Variants in TRAPPC10 observed in about 807,000 individuals in gnomAD.
The protein encoded by TRAPPC10 is TRAPP 130 kDa subunit.
TRAPPC10 carries 23 observed loss-of-function variants against 125.5 expected under a neutral mutation model. That is an observed-to-expected ratio of 0.18 (90% CI 0.13 to 0.26). The LOEUF (loss-of-function observed/expected upper bound fraction) is 0.26, where lower values mean the gene tolerates loss of function less well. TRAPPC10 is among the 10% of genes least tolerant of loss of function. TRAPPC10 has a pLI of 1.00. For missense variants in TRAPPC10, 1,123 were observed against 1,308.4 expected (o/e 0.86, Z 2.19); for synonymous variants, 509 against 518.0 (o/e 0.98, Z 0.24).
chr21:44,034,324 C>G (rs1463282268), intron 2 of TRAPPC10, among the ~76,000 whole-genome samples: 1 of 128,174 alleles, frequency 7.8e-6, no homozygotes, highest in Non-Finnish European at 1.5e-5. Context: ...TCATTGCCCA[C>G]TCCCCCAACC....
At chr21:44,034,341 C>CG (rs2033825440) in intron 2 of TRAPPC10, among the ~76,000 whole-genome samples, 2 of 144,786 alleles carry the variant, frequency 1.4e-5, no homozygotes, top group African/African-American at 5.1e-5. Flanking sequence ...AACCCCCCCC[C>CG]CCACCCCCGC....
At chr21:44,084,288 G>C in intron 15 of TRAPPC10, 25 bp downstream of exon 15, 2 of 1,609,188 alleles carry the variant, frequency 1.2e-6, no homozygotes, top group Non-Finnish European at 1.7e-6. Context: ...CAGCCTTTGA[G>C]GAGGCGTGCT....
Position 44,087,048 on chromosome 21 carries a change from T to C in TRAPPC10, c.2539+88T>C. On this transcript the variant is annotated intron_variant, in intron 16 of 22. Coordinates refer to ENST00000291574, the MANE Select transcript of TRAPPC10 (RefSeq NM_003274.5). The surrounding 1 kb of genome is among the most constrained non-coding windows in gnomAD (Gnocchi z 4.6). ...GAGGGTGAGCCTGGCCTTGCTGCCA[T>C]CCTGCTGAGCGCCCCTCAACAGTGT... 6.7e-7 allele frequency: 1 copy of C among 1,491,818 alleles called. No homozygotes were observed. The highest frequency in any genetic ancestry group is 1.2e-5 in the South Asian group (1 of 81,574). The allele number at this position is 1,491,818 out of a possible 1,614,324, so 92.4% of individuals were successfully genotyped here.
At chr21:44,073,211 T>C (rs1246437898) in intron 7 of TRAPPC10, among the ~76,000 whole-genome samples, 2 of 152,238 alleles carry the variant, frequency 1.3e-5, no homozygotes, top group Non-Finnish European at 2.9e-5. Flanking sequence ...TGGCACTCTT[T>C]GGTTCTTCCT....
At chr21:44,073,884 G>C (rs1057228477) in intron 7 of TRAPPC10, among the ~76,000 whole-genome samples, 1 of 152,016 alleles carries the variant, frequency 6.6e-6, no homozygotes, top group Non-Finnish European at 1.5e-5. Flanking sequence ...GTCATTTGAG[G>C]TCTTAGTTTT....
At chr21:44,081,744 T>G (rs2037759366) in intron 13 of TRAPPC10, among the ~76,000 whole-genome samples, 2 of 152,090 alleles carry the variant, frequency 1.3e-5, no homozygotes, top group South Asian at 4.2e-4. Context: ...CCAGGTGTGG[T>G]GGCGGGCACC....
chr21:44,030,147 G>A (rs545501011), intron 1 of TRAPPC10, among the ~76,000 whole-genome samples: 33 of 152,350 alleles, frequency 2.2e-4, no homozygotes, highest in African/African-American at 6.7e-4. Flanking sequence ...TGGAGCAGGT[G>A]TTGGAGGCAG....
chr21:44,073,976 C>CT (rs368156893), intron 7 of TRAPPC10, among the ~76,000 whole-genome samples: 2,618 of 143,460 alleles, frequency 0.018, 40 homozygotes, highest in African/African-American at 0.026. Context: ...TAGGTTTTTC[C>CT]TTTTTTTAAA....
chr21:44,087,724 G>C lies in TRAPPC10; in HGVS notation c.2565G>C (p.Arg855=). ...TREQSSEAAL[R]IQSSDKVTSI... The stretch of plus-strand genomic sequence containing the variant: ...AACAGTCTTCTGAGGCCGCGCTCCG[G>C]ATTCAGTCCTCCGACAAGGTCACGA... Residue 855 remains arginine, a synonymous_variant, in exon 17 of 23, where the codon CGG becomes CGC. Transcript: ENST00000291574. The surrounding 1 kb of genome is among the most constrained non-coding windows in gnomAD (Gnocchi z 4.6). The C allele has an allele frequency of 6.2e-7, 1 of 1,614,018 alleles. No homozygotes were observed. The highest frequency in any genetic ancestry group is 8.5e-7 in the Non-Finnish European group (1 of 1,180,044).
chr21:44,061,153 T>C (rs1294287279), intron 6 of TRAPPC10, among the ~76,000 whole-genome samples: 1 of 152,108 alleles, frequency 6.6e-6, no homozygotes, highest in Non-Finnish European at 1.5e-5. Context: ...ATTTTATTTT[T>C]TGAGACGGAG....
intron 3 of TRAPPC10, among the ~76,000 whole-genome samples, chr21:44,040,038 C>T (rs2034300422): frequency 1.3e-5 from 2 of 152,218 alleles, no homozygotes; most frequent in Admixed American, 1.3e-4. Flanking sequence ...TGCGCCACAA[C>T]TAGGAGCAGA....
At chr21:44,043,592 C>T (rs563940771) in intron 3 of TRAPPC10, among the ~76,000 whole-genome samples, 9 of 152,188 alleles carry the variant, frequency 5.9e-5, no homozygotes, top group East Asian at 3.9e-4. Flanking sequence ...TTCCACATGT[C>T]GAGTGTCCAA....
intron 4 of TRAPPC10, among the ~76,000 whole-genome samples, chr21:44,053,781 G>A (rs2035381212): frequency 6.6e-6 from 1 of 152,272 alleles, no homozygotes; most frequent in African/African-American, 2.4e-5. Flanking sequence ...TGCAGTCTGC[G>A]CGCCTGGGGG....
rs61498650 is a variant in TRAPPC10, at chr21:44,030,246, A to AGTGT, written c.68-1830_68-1827dup. 6.4e-4 allele frequency among the ~76,000 whole-genome samples: 96 copies of AGTGT among 151,120 alleles called. 2 individuals are homozygous for AGTGT. The Middle Eastern group carries it at 0.01, about 17-fold the overall frequency. Reference sequence around the variant, plus strand: ...TAGAATGTGAGAGAGAGAGCGAGAGAGTGTGTGTGTGTGTGTGTTTGTAGT... The same window carrying AGTGT: ...TAGAATGTGAGAGAGAGAGCGAGAGAGTGTGTGTGTGTGTGTGTGTGTTTGTAGT... On this transcript the variant is annotated intron_variant, in intron 1 of 22. Coordinates refer to ENST00000291574, the MANE Select transcript of TRAPPC10 (RefSeq NM_003274.5).
intron 3 of TRAPPC10, among the ~76,000 whole-genome samples, chr21:44,039,433 A>G (rs1488365063): frequency 6.6e-6 from 1 of 152,130 alleles, no homozygotes; most frequent in Non-Finnish European, 1.5e-5. Context: ...AGGTTCTGGG[A>G]GCTCGTTGCC....
At chr21:44,023,458 A>G (rs998977991) in intron 1 of TRAPPC10, among the ~76,000 whole-genome samples, 1 of 152,142 alleles carries the variant, frequency 6.6e-6, no homozygotes, top group African/African-American at 2.4e-5. Context: ...TTGATGTGTT[A>G]CAGTCCATTG....
Position 44,079,633 on chromosome 21 carries a change from C to T in TRAPPC10, c.1539C>T (p.Gly513=), listed in dbSNP as rs148086257. ...CACTGAAAAACTACCTGGCTGAGGG[C>T]TGGGCACTCCCCATCACACACACAA... The part of the protein sequence containing the change: ...QGALKNYLAE[G]WALPITHTRK... The change falls in exon 12 of 23, where the codon GGC becomes GGT. Residue 513 remains glycine, a synonymous_variant. Transcript: ENST00000291574. 704 of 1,610,468 alleles carry T rather than the reference C, an allele frequency of 4.4e-4. 5 individuals carry two copies. The African/African-American group carries it at 8.5e-3, about 19-fold the overall frequency.
chr21:44,083,101 G>A lies in TRAPPC10; in HGVS notation c.2037G>A (p.Met679Ile). The part of the protein sequence containing the change: ...NSLPALELYE[M>I]FERSPSDNSL... ...TGCCCGCGCTGGAGTTGTATGAAAT[G>A]TTTGAGAGAAGCCCATCTGATAACT... The change falls in exon 14 of 23, where the codon ATG becomes ATA. Residue 679 changes from methionine to isoleucine, a missense_variant. Coordinates refer to ENST00000291574, the MANE Select transcript of TRAPPC10 (RefSeq NM_003274.5). 1.2e-6 allele frequency: 2 copies of A among 1,614,138 alleles called. No homozygotes were observed. The highest frequency in any genetic ancestry group is 8.5e-7 in the Non-Finnish European group (1 of 1,180,030).
intron 9 of TRAPPC10, among the ~76,000 whole-genome samples, chr21:44,075,566 G>A (rs1372153483): frequency 2.6e-5 from 4 of 151,848 alleles, no homozygotes; most frequent in Admixed American, 6.6e-5. Context: ...GCTCACTGCA[G>A]CCTCGACCTC....
Sources: gnomAD v4.1 joint callset for allele counts (sites outside exome capture counted in the v4.1 genomes callset) on GRCh38, gnomAD v4.1.1 for gene constraint, Gnocchi (gnomAD v3.1) non-coding constraint, MANE v1.5 for transcripts, NCBI Gene and HGNC (gene_info 2026-07-23, HGNC 2026-07-21) for gene names.